The following SUPT5H variants were observed in gnomAD, a reference collection of about 807,000 sequenced individuals.
SUPT5H encodes SPT5 homolog, DSIF elongation factor subunit, also known as transcription elongation factor SPT5.
A neutral mutation model predicts 142.5 loss-of-function variants in SUPT5H; 24 were observed. The observed-to-expected ratio is 0.17, with a 90% CI of 0.12 to 0.24. SUPT5H has a LOEUF of 0.24. Among genes scored for constraint, SUPT5H ranks in the 10% least tolerant of loss-of-function variants. The probability of loss-of-function intolerance (pLI) is 1.00; values close to 1 mark genes in which losing one functional copy is unlikely to be tolerated. For synonymous variants in SUPT5H, 546 were observed against 553.0 expected, an observed-to-expected ratio of 0.99 and a Z score of 0.18; for missense variants, 893 against 1,471.8, an observed-to-expected ratio of 0.61 and a Z score of 6.43.
Position 39,476,472 on chromosome 19 carries a change from CA to C in SUPT5H, c.*75del. ...CCTTCCCTGGCCCTTGGCTGTGACA[CA>C]AGATCCTCCTGCAGGGCTAGGCGGA... On this transcript the variant is annotated 3_prime_UTR_variant, in exon 30 of 30. Transcript: ENST00000432763. 1 of 1,573,634 alleles carries C rather than the reference CA, an allele frequency of 6.4e-7. No individual in the cohort carries two copies. Among genetic ancestry groups the C allele is most frequent in the South Asian group, 1.1e-5 (1 of 89,840 alleles).
chr19:39,469,281 C>T lies in SUPT5H; in HGVS notation c.1257C>T (p.Asn419=), dbSNP rs760536362. The change falls in exon 16 of 30, where the codon AAC becomes AAT. Residue 419 remains asparagine (N), a synonymous_variant. Coordinates refer to ENST00000432763, the MANE Select transcript of SUPT5H (RefSeq NM_001111020.3). The surrounding 1 kb of genome is among the most constrained non-coding windows in gnomAD (Gnocchi z 5.1). ...TESTGKEREH[N]FQPGDNVEVC... is the part of the protein sequence containing the mutation. ...CTGCAGGGAAGGAGCGGGAGCACAA[C>T]TTCCAACCTGGGGACAACGTGGAGG... 7 of 1,614,220 alleles carry T rather than the reference C, an allele frequency of 4.3e-6. No homozygotes were observed. In the South Asian group the frequency reaches 6.6e-5, roughly 15 times the overall value.
rs759997241 is a variant in SUPT5H, at chr19:39,470,505, A to G, written c.1659A>G (p.Leu553=). The G allele has an allele frequency of 5.7e-6, 9 of 1,573,486 alleles. No individual in the cohort carries two copies. The highest frequency in any genetic ancestry group is 7.8e-6 in the Non-Finnish European group (9 of 1,158,930). The stretch of plus-strand genomic sequence containing the variant: ...AGACTGTGGGTGTCATCGTGCGACT[A>G]GAACGGGAGACCTTCCAGGTGTGTG... ...DPQTVGVIVR[L]ERETFQVLNM... Residue 553 remains leucine, a synonymous_variant, in exon 18 of 30, where the codon CTA becomes CTG. Transcript: ENST00000432763. The surrounding 1 kb of genome is among the most constrained non-coding windows in gnomAD (Gnocchi z 5.8).
rs761901423 is a variant in SUPT5H at position 39,473,218 on chromosome 19, G to T, written c.2274G>T (p.Pro758=). Reference sequence around the variant, plus strand: ...GCGTCCCCAGGGGCTCACGGCGCCCGGGCGGCATGACCTCGACCTATGGGA... The same window carrying T: ...GCGTCCCCAGGGGCTCACGGCGCCCTGGCGGCATGACCTCGACCTATGGGA... ...QRLTTVGSRR[P]GGMTSTYGRT... is the part of the protein sequence containing the mutation. The change falls in exon 24 of 30, where the codon CCG becomes CCT. Residue 758 remains proline (P), a synonymous_variant. Transcript: ENST00000432763. This position sits in a 1 kb window ranked among gnomAD's most constrained non-coding sequence, Gnocchi z 5.8. The T allele has an allele frequency of 3.6e-5, 58 of 1,612,670 alleles. No individual in the cohort carries two copies. The highest frequency in any genetic ancestry group is 4.7e-5 in the Non-Finnish European group (56 of 1,179,950).
intron 10 of SUPT5H, among the ~76,000 whole-genome samples, chr19:39,461,560 C>T (rs1385366241): frequency 6.6e-6 from 1 of 151,868 alleles, no homozygotes; most frequent in Admixed American, 6.6e-5. Context: ...CGGTGGCTCA[C>T]GCCTGTAATC....
intron 9 of SUPT5H, 52 bp downstream of exon 9, chr19:39,459,641 G>C (rs780975236): frequency 6.2e-7 from 1 of 1,608,226 alleles, no homozygotes; most frequent in South Asian, 1.1e-5. Flanking sequence ...GAGGGAGGCT[G>C]CTTTGTGGGG....
In SUPT5H at chr19:39,471,749, GA is replaced by G; in HGVS notation, c.1950+20del. 1 of 1,608,812 alleles carries G rather than the reference GA, an allele frequency of 6.2e-7. No individual in the cohort carries two copies. Among genetic ancestry groups the G allele is most frequent in the Non-Finnish European group, 8.5e-7 (1 of 1,177,070 alleles). ...CTCAAAGGTGAGGTGGGCATGGCAGGACCCTGTGCGTTGGGTACCTGGCTCA... is the reference window on the plus strand; with the variant it reads ...CTCAAAGGTGAGGTGGGCATGGCAGGCCCTGTGCGTTGGGTACCTGGCTCA... On this transcript the variant is annotated intron_variant, in intron 20 of 29. Coordinates refer to ENST00000432763, the MANE Select transcript of SUPT5H (RefSeq NM_001111020.3).
Position 39,474,919 on chromosome 19 carries a change from G to A in SUPT5H, c.3024+201G>A. 4.8e-6 allele frequency: 3 copies of A among 626,626 alleles called. No individual in the cohort carries two copies. The highest frequency in any genetic ancestry group is 8.3e-6 in the Non-Finnish European group (3 of 360,774). The allele number at this position is 626,626 out of a possible 1,614,324, so 38.8% of individuals were successfully genotyped here. On this transcript the variant is annotated intron_variant, in intron 28 of 29. Transcript: ENST00000432763. The surrounding 1 kb of genome is among the most constrained non-coding windows in gnomAD (Gnocchi z 6.5). ...CGGGGAATCAGGGAGGGCTGCCTGG[G>A]GAAGGAGAAATCTGAGCCAAGACCT...
Position 39,458,043 on chromosome 19 carries a change from T to TG in SUPT5H, c.308-248dup. On this transcript the variant is annotated intron_variant, in intron 4 of 29. Transcript: ENST00000432763. This position sits in a 1 kb window ranked among gnomAD's most constrained non-coding sequence, Gnocchi z 4.2. ...CTGTCCCAAGATACCCCCCACTTCC[T>TG]GGGCCAGTGCCCCCCTTTCCCCGTT... 1 of 735,648 alleles carries TG rather than the reference T, an allele frequency of 1.4e-6. No homozygotes were observed. The highest frequency in any genetic ancestry group is 2.6e-5 in the Admixed American group (1 of 37,912). The allele number at this position is 735,648 out of a possible 1,614,324, so 45.6% of individuals were successfully genotyped here. A position where few individuals can be genotyped will look rare whatever the true frequency, so the allele number is the denominator to read the frequency against.
rs1400013085 is a variant in SUPT5H, at chr19:39,466,466, C to A, written c.877-14C>A. 13 of 1,613,046 alleles carry A rather than the reference C, an allele frequency of 8.1e-6. No homozygotes were observed. In the African/African-American group the frequency reaches 1.2e-4, roughly 15 times the overall value. On this transcript the variant is annotated splice_polypyrimidine_tract_variant and intron_variant, in intron 11 of 29. Coordinates refer to ENST00000432763, the MANE Select transcript of SUPT5H (RefSeq NM_001111020.3). This position sits in a 1 kb window ranked among gnomAD's most constrained non-coding sequence, Gnocchi z 4.3. ...AGAGTGGGGCCCTGCTGACCTTCTG[C>A]TCGCCCTGCTCAGGTGGACTACGTG... is the stretch of plus-strand genomic sequence containing the variant.
intron 3 of SUPT5H, among the ~76,000 whole-genome samples, chr19:39,456,217 C>CT (rs562268907): frequency 1.3e-4 from 19 of 146,784 alleles, no homozygotes; most frequent in East Asian, 2.0e-4. Flanking sequence ...GTGCCCAGAC[C>CT]TTTTTTTTTT....
Position 39,474,048 on chromosome 19 carries a change from C to T in SUPT5H, c.2578C>T (p.Pro860Ser). The T allele has an allele frequency of 1.2e-6, 2 of 1,612,384 alleles. No homozygotes were observed. Among genetic ancestry groups the T allele is most frequent in the African/African-American group, 2.7e-5 (2 of 74,992 alleles). Residue 860 changes from proline (P) to serine (S), a missense_variant, in exon 26 of 30, where the codon CCT becomes TCT. This residue lies in a region of SUPT5H where 336 missense variants were observed against 546.5 expected (regional missense o/e 0.61). Coordinates refer to ENST00000432763, the MANE Select transcript of SUPT5H (RefSeq NM_001111020.3). The surrounding 1 kb of genome is among the most constrained non-coding windows in gnomAD (Gnocchi z 6.5). Reference protein sequence around the residue: ...AYGGTPNPQTPGYPDPSSPQV... With the variant: ...AYGGTPNPQTSGYPDPSSPQV... ...TGGGGGAACCCCCAATCCCCAAACACCTGGCTACCCAGACCCCTCGTCCCC... is the reference window on the plus strand; with the variant it reads ...TGGGGGAACCCCCAATCCCCAAACATCTGGCTACCCAGACCCCTCGTCCCC...
At position 39,470,375 on chromosome 19, in the gene SUPT5H, A is replaced by C; in HGVS notation, c.1531-2A>C. 1 of 1,560,188 alleles carries C rather than the reference A, an allele frequency of 6.4e-7. No individual in the cohort carries two copies. The highest frequency in any genetic ancestry group is 8.7e-7 in the Non-Finnish European group (1 of 1,150,372). ...CCTCACCCCTTTCACCATCCCTGGC[A>C]GCTGAAGGTGCTCCCCCGGGACCTG... On this transcript the variant is annotated splice_acceptor_variant, in intron 17 of 29. Coordinates refer to ENST00000432763, the MANE Select transcript of SUPT5H (RefSeq NM_001111020.3). LOFTEE classifies it high-confidence loss of function. This position sits in a 1 kb window ranked among gnomAD's most constrained non-coding sequence, Gnocchi z 5.8.
At chr19:39,465,985 C>G (rs1337800439) in intron 11 of SUPT5H, among the ~76,000 whole-genome samples, 2 of 152,152 alleles carry the variant, frequency 1.3e-5, no homozygotes, top group African/African-American at 4.8e-5. Flanking sequence ...TTCCTTCGAG[C>G]ATCATGTTGG....
At chr19:39,457,785 G>A (rs759476737) in intron 4 of SUPT5H, 45 bp downstream of exon 4, 8 of 1,613,652 alleles carry the variant, frequency 5.0e-6, no homozygotes, top group South Asian at 3.3e-5. Flanking sequence ...GAAGAGGGTG[G>A]CTGAGAGGGT....
chr19:39,445,653 G>A lies in SUPT5H; in HGVS notation c.-88+16G>A. ...AGCCCGAGAGGTAAGTGCGTGTGCAGAGGTGGCAGTTCCGGGCGCCGGGGA... is the reference window on the plus strand; with the variant it reads ...AGCCCGAGAGGTAAGTGCGTGTGCAAAGGTGGCAGTTCCGGGCGCCGGGGA... On this transcript the variant is annotated intron_variant, in intron 1 of 29. Coordinates refer to ENST00000432763, the MANE Select transcript of SUPT5H (RefSeq NM_001111020.3). 1.8e-6 allele frequency: 1 copy of A among 562,688 alleles called. No homozygotes were observed. Among genetic ancestry groups the A allele is most frequent in the Non-Finnish European group, 3.2e-6 (1 of 312,402 alleles). The allele number at this position is 562,688 out of a possible 1,614,324, so 34.9% of individuals were successfully genotyped here.
rs761194959 is a variant in SUPT5H at position 39,459,871 on chromosome 19, A to G, written c.556-21A>G. On this transcript the variant is annotated intron_variant, in intron 9 of 29. Coordinates refer to ENST00000432763, the MANE Select transcript of SUPT5H (RefSeq NM_001111020.3). ...TTCCTCCATCCTGTCATCTCTCTCA[A>G]ATCTGCCTCTCATCTTCCAGATTGG... 1.9e-6 allele frequency: 3 copies of G among 1,613,484 alleles called. No individual in the cohort carries two copies. In the South Asian group the frequency reaches 3.3e-5, roughly 18 times the overall value.
rs928386958 is a variant in SUPT5H at position 39,469,881 on chromosome 19, G to A, written c.1375-238G>A. On this transcript the variant is annotated intron_variant, in intron 16 of 29. Transcript: ENST00000432763. This position sits in a 1 kb window ranked among gnomAD's most constrained non-coding sequence, Gnocchi z 5.1. ...CTCTGTGTGGGTATAGGTAGGCATC[G>A]TGTGTCTTGAGGGCGGGCTGGGGTA... 3.0e-4 allele frequency: 161 copies of A among 537,578 alleles called. No homozygotes were observed. The highest frequency in any genetic ancestry group is 4.4e-4 in the Non-Finnish European group (134 of 302,054). The allele number at this position is 537,578 out of a possible 1,614,324, so 33.3% of individuals were successfully genotyped here. A position where few individuals can be genotyped will look rare whatever the true frequency, so the allele number is the denominator to read the frequency against.
intron 20 of SUPT5H, 123 bp downstream of exon 20, chr19:39,471,853 G>A: frequency 1.1e-5 from 15 of 1,362,364 alleles, no homozygotes; most frequent in Non-Finnish European, 1.3e-5. Flanking sequence ...TCATTGTCAG[G>A]TCCTTGGCAA....
chr19:39,475,386 GAC>G, intron 28 of SUPT5H, among the ~76,000 whole-genome samples: 1 of 118,996 alleles, frequency 8.4e-6, no homozygotes, highest in South Asian at 2.8e-4. Flanking sequence ...GACAGAGCAA[GAC>G]TCCTCAAAAA....
Sources: allele counts gnomAD v4.1 joint callset (sites outside exome capture counted in the v4.1 genomes callset), GRCh38; gene constraint gnomAD v4.1.1; regional missense constraint gnomAD v4.1.1; non-coding constraint Gnocchi (gnomAD v3.1); transcripts MANE v1.5; gene names NCBI Gene and HGNC (gene_info 2026-07-23, HGNC 2026-07-21).